Variants in ITPK1 observed in about 807,000 individuals in gnomAD.
ITPK1 encodes inositol 1,3,4-trisphosphate 5/6-kinase.
A neutral mutation model predicts 45.3 loss-of-function variants in ITPK1; 21 were observed. That is an observed-to-expected ratio of 0.46 (90% CI 0.33 to 0.67). ITPK1 has a LOEUF of 0.67. Among genes scored for constraint, ITPK1 ranks in the 30% least tolerant of loss-of-function variants. The pLI, the probability that ITPK1 is intolerant of heterozygous loss-of-function variation, is 0.02. For missense variants in ITPK1, 474 were observed against 573.5 expected (o/e 0.83, Z 1.77); for synonymous variants, 258 against 253.6 (o/e 1.02, Z -0.16).
chr14:92,948,760 G>A (rs1887803287), intron 9 of ITPK1, among the ~76,000 whole-genome samples: 1 of 152,202 alleles, frequency 6.6e-6, no homozygotes. Flanking sequence ...GGAACTTCCA[G>A]GGAGGGAAGC....
intron 4 of ITPK1, among the ~76,000 whole-genome samples, chr14:93,008,567 C>T (rs1887734695): frequency 6.6e-6 from 1 of 152,214 alleles, no homozygotes; most frequent in Non-Finnish European, 1.5e-5. Flanking sequence ...GGGAGGGGCT[C>T]AGAGGATATC....
intron 5 of ITPK1, among the ~76,000 whole-genome samples, chr14:92,992,064 T>G (rs745575393): frequency 5.3e-5 from 8 of 152,198 alleles, no homozygotes; most frequent in African/African-American, 1.9e-4. Context: ...GGAACCCACA[T>G]GCCAGAGCCT....
At chr14:92,956,116 G>A (rs1264477590) in intron 8 of ITPK1, among the ~76,000 whole-genome samples, 1 of 143,628 alleles carries the variant, frequency 7.0e-6, no homozygotes, top group Non-Finnish European at 1.5e-5. Flanking sequence ...TTTGGGCTTA[G>A]TCTGCTTTTT....
chr14:93,001,907 T>C (rs1281253496), intron 4 of ITPK1, among the ~76,000 whole-genome samples: 1 of 152,178 alleles, frequency 6.6e-6, no homozygotes, highest in East Asian at 1.9e-4. Flanking sequence ...AGCCTTGGCA[T>C]CTTGACGGGG....
At chr14:93,103,549 G>A (rs1452045586) in intron 2 of ITPK1, among the ~76,000 whole-genome samples, 1 of 152,174 alleles carries the variant, frequency 6.6e-6, no homozygotes, top group East Asian at 1.9e-4. Context: ...GACTGACCCT[G>A]GGGCTCCAGG....
rs140340412 is a variant in ITPK1 at position 93,032,443 on chromosome 14, C to T, written c.121-15642G>A. 5.5e-3 allele frequency among the ~76,000 whole-genome samples: 831 copies of T among 152,272 alleles called. 8 individuals carry two copies. The highest frequency in any genetic ancestry group is 0.019 in the African/African-American group (787 of 41,548). On this transcript the variant is annotated intron_variant, in intron 3 of 10. Transcript: ENST00000267615. This position sits in a 1 kb window ranked among gnomAD's most constrained non-coding sequence, Gnocchi z 4.0. ...GTACTCAAAATCATTTGCAAAGACT[C>T]GGTTGCGTCAAGCTAAGCAGCAGCA...
intron 2 of ITPK1, among the ~76,000 whole-genome samples, chr14:93,108,046 C>G (rs945161227): frequency 3.5e-4 from 54 of 152,200 alleles, no homozygotes; most frequent in African/African-American, 8.7e-4. Flanking sequence ...AGTTCCCCTC[C>G]CACATTTCCA....
At chr14:92,967,356 CAAT>C (rs965599390) in intron 5 of ITPK1, among the ~76,000 whole-genome samples, 6 of 152,170 alleles carry the variant, frequency 3.9e-5, no homozygotes, top group Admixed American at 3.9e-4. Flanking sequence ...ATCAAAACCA[CAAT>C]GAGACACCAC....
In ITPK1 at chr14:93,099,529, A is replaced by G. The variant is rs745306121; in HGVS notation, c.95+15540T>C. ...AGGCCCGGAAAAACCCCAGCCCACA[A>G]ATAGGACATCAGCCCTCCAGTATGT... On this transcript the variant is annotated intron_variant, in intron 2 of 10. Transcript: ENST00000267615. Among the ~76,000 whole-genome samples, 6 of 152,092 alleles carry G rather than the reference A, an allele frequency of 3.9e-5. No homozygotes were observed. The East Asian group carries it at 7.7e-4, about 20-fold the overall frequency.
chr14:93,072,019 C>A (rs563705099), intron 3 of ITPK1: 5 of 151,660 alleles, frequency 3.3e-5, no homozygotes, highest in African/African-American at 1.2e-4. Context: ...TTAGGCCAGG[C>A]GCAGTGGTTC....
In ITPK1 at chr14:93,027,383, G is replaced by A. The variant is rs1888790580; in HGVS notation, c.121-10582C>T. ...TAACTAACATCCATCGAGCACCTCT[G>A]TGCACCCAGCCCAACTCTACGCACT... On this transcript the variant is annotated intron_variant, in intron 3 of 10. Coordinates refer to ENST00000267615, the MANE Select transcript of ITPK1 (RefSeq NM_014216.6). 2.0e-5 allele frequency among the ~76,000 whole-genome samples: 3 copies of A among 152,176 alleles called. No homozygotes were observed. The South Asian group carries it at 6.2e-4, about 32-fold the overall frequency.
At chr14:92,962,438 C>T (rs1428403575) in intron 6 of ITPK1, 43 bp from the exon 7 acceptor site, 17 of 1,360,686 alleles carry the variant, frequency 1.2e-5, no homozygotes, top group South Asian at 8.2e-5. Context: ...TTAGTGAGGC[C>T]GTTCACCCAC....
At chr14:93,066,342 A>AG (rs1427029085) in intron 3 of ITPK1, 2 of 314,740 alleles carry the variant, frequency 6.4e-6, no homozygotes, top group East Asian at 1.8e-4. Flanking sequence ...GTGTGTGTGT[A>AG]GGGGGCAGAG....
At chr14:92,981,459 C>T (rs920682325) in intron 5 of ITPK1, among the ~76,000 whole-genome samples, 1 of 152,134 alleles carries the variant, frequency 6.6e-6, no homozygotes, top group African/African-American at 2.4e-5. Flanking sequence ...CAGAGCCGCT[C>T]CAAATACCAC....
At chr14:93,060,231 G>A (rs1340946942) in intron 3 of ITPK1, among the ~76,000 whole-genome samples, 1 of 152,130 alleles carries the variant, frequency 6.6e-6, no homozygotes, top group African/African-American at 2.4e-5. Flanking sequence ...CAGGCTCTAG[G>A]TGCCTCACCA....
intron 8 of ITPK1, 137 bp from the exon 9 acceptor site, chr14:92,952,150 C>CA (rs1887987581): frequency 2.9e-6 from 2 of 695,516 alleles, no homozygotes; most frequent in Admixed American, 4.6e-5. Flanking sequence ...TGGGCTCCAG[C>CA]AAGCTGGGCA....
At chr14:92,945,978 T>G (rs1042396616) in intron 10 of ITPK1, among the ~76,000 whole-genome samples, 8 of 152,198 alleles carry the variant, frequency 5.3e-5, no homozygotes, top group African/African-American at 1.9e-4. Context: ...ACATGTAAAC[T>G]GCAGGGGGCT....
At chr14:93,087,962 G>A (rs1275566105) in intron 2 of ITPK1, among the ~76,000 whole-genome samples, 1 of 152,212 alleles carries the variant, frequency 6.6e-6, no homozygotes. Context: ...TCCAGGCCTG[G>A]AAGCCTTGGC....
chr14:93,041,864 G>T (rs192679538), intron 3 of ITPK1, among the ~76,000 whole-genome samples: 2 of 152,180 alleles, frequency 1.3e-5, no homozygotes, highest in African/African-American at 4.8e-5. Flanking sequence ...AAACTCAGAG[G>T]GGGTTCAGAT....
Sources: gnomAD v4.1 joint callset for allele counts (sites outside exome capture counted in the v4.1 genomes callset) on GRCh38, gnomAD v4.1.1 for gene constraint, Gnocchi (gnomAD v3.1) non-coding constraint, MANE v1.5 for transcripts, NCBI Gene and HGNC (gene_info 2026-07-23, HGNC 2026-07-21) for gene names.